Variants in MTERF3 observed in about 807,000 individuals in gnomAD.
MTERF3 encodes mitochondrial transcription termination factor 3.
MTERF3 carries 40 observed loss-of-function variants against 40.5 expected under a neutral mutation model. The observed-to-expected ratio is 0.99, with a 90% CI of 0.77 to 1.29. The LOEUF (loss-of-function observed/expected upper bound fraction) is 1.29, where lower values mean the gene tolerates loss of function less well. Among genes scored for constraint, MTERF3 ranks in the 50% most tolerant of loss-of-function variants. The probability of loss-of-function intolerance (pLI) is 0.00; values close to 1 mark genes in which losing one functional copy is unlikely to be tolerated. For synonymous variants in MTERF3, 158 were observed against 166.6 expected (o/e 0.95, Z 0.40); for missense variants, 452 against 478.2 (o/e 0.95, Z 0.51).
At chr8:96,248,140 A>T (rs1332017854) in intron 4 of MTERF3, among the ~76,000 whole-genome samples, 1 of 152,226 alleles carries the variant, frequency 6.6e-6, no homozygotes, top group African/African-American at 2.4e-5. Flanking sequence ...AAACTGGAAA[A>T]CAACCCCTAT....
chr8:96,258,803 T>G, intron 1 of MTERF3, 103 bp from the exon 2 acceptor site: 1 of 922,496 alleles, frequency 1.1e-6, no homozygotes, highest in Non-Finnish European at 1.6e-6. Context: ...AATTATTTTT[T>G]TCTAATTGAA....
intron 3 of MTERF3, among the ~76,000 whole-genome samples, chr8:96,253,697 C>T (rs1448304605): frequency 6.6e-6 from 1 of 152,034 alleles, no homozygotes; most frequent in Non-Finnish European, 1.5e-5. Flanking sequence ...TGTAAGTATA[C>T]TGTAAATTAT....
intron 7 of MTERF3, among the ~76,000 whole-genome samples, chr8:96,241,420 AAAAAAAC>A (rs555673198): frequency 2.0e-5 from 3 of 151,762 alleles, no homozygotes; most frequent in Admixed American, 6.6e-5. Flanking sequence ...AAAAAAAACA[AAAAAAAC>A]AAAAAACAAA....
In MTERF3 at chr8:96,256,943, G is replaced by A. The variant is rs769497178; in HGVS notation, c.487+19C>T. On this transcript the variant is annotated intron_variant, in intron 3 of 7. Transcript: ENST00000287025. ...TGAAGAGTACATGCAAAAAGTACTT[G>A]TAGTTTAGTCAAACTTACCTAGAAG... 1.3e-6 allele frequency: 2 copies of A among 1,587,078 alleles called. No individual in the cohort carries two copies. The highest frequency in any genetic ancestry group is 1.2e-5 in the South Asian group (1 of 85,960).
chr8:96,249,269 G>C (rs112494099), intron 4 of MTERF3, among the ~76,000 whole-genome samples: 1,792 of 152,268 alleles, frequency 0.012, 18 homozygotes, highest in Middle Eastern at 0.048. Flanking sequence ...TATGTACAAA[G>C]GTGCTATTAA....
chr8:96,254,360 T>G (rs922327256), intron 3 of MTERF3, among the ~76,000 whole-genome samples: 1 of 152,090 alleles, frequency 6.6e-6, no homozygotes. Flanking sequence ...GGACAATAGA[T>G]CTCCAAAACT....
chr8:96,254,744 T>C (rs976364473), intron 3 of MTERF3, among the ~76,000 whole-genome samples: 5 of 152,242 alleles, frequency 3.3e-5, no homozygotes, highest in East Asian at 3.8e-4. Context: ...GTTATTCTTA[T>C]ATATTTAGAT....
In MTERF3 at chr8:96,246,454, C is replaced by T. The variant is rs200630016; in HGVS notation, c.678G>A (p.Arg226=). 10 of 1,603,758 alleles carry T rather than the reference C, an allele frequency of 6.2e-6. No individual in the cohort carries two copies. In the South Asian group the frequency reaches 6.7e-5, roughly 11 times the overall value. The change falls in exon 5 of 8, where the codon AGG becomes AGA. Residue 226 remains arginine (R), a splice_region_variant and synonymous_variant. Transcript: ENST00000287025. ...FSEDLENLKT[R]VAYLHSKNFS... The stretch of plus-strand genomic sequence containing the variant: ...AATTTTTTGAATGCAGATAAGCCAC[C>T]CTAGAGAAACATAAATACATACGCA...
chr8:96,246,465 A>G lies in MTERF3; in HGVS notation c.678-11T>C. On this transcript the variant is annotated splice_polypyrimidine_tract_variant and intron_variant, in intron 4 of 7. Transcript: ENST00000287025. ...TGCAGATAAGCCACCCTAGAGAAAC[A>G]TAAATACATACGCATGTGATAAACA... The G allele has an allele frequency of 6.3e-7, 1 of 1,597,082 alleles. No homozygotes were observed. Among genetic ancestry groups the G allele is most frequent in the Non-Finnish European group, 8.5e-7 (1 of 1,173,906 alleles).
chr8:96,239,553 A>G lies in MTERF3; in HGVS notation c.1192T>C (p.Phe398Leu). 6.2e-7 allele frequency: 1 copy of G among 1,612,440 alleles called. No individual in the cohort carries two copies. The highest frequency in any genetic ancestry group is 1.7e-5 in the Admixed American group (1 of 59,446). The part of the protein sequence containing the change: ...DKLVSIPDEI[F>L]CEEIAKASVQ... The stretch of plus-strand genomic sequence containing the variant: ...GATGCTTTGGCAATCTCTTCACAAA[A>G]TATTTCATCAGGAATAGATACTAGT... The change falls in exon 8 of 8, where the codon TTT becomes CTT. Residue 398 changes from phenylalanine (F) to leucine (L), a missense_variant. By Grantham distance (22) the Phe-to-Leu change is conservative. Coordinates refer to ENST00000287025, the MANE Select transcript of MTERF3 (RefSeq NM_015942.5).
At chr8:96,249,516 A>G (rs1810084648) in intron 4 of MTERF3, among the ~76,000 whole-genome samples, 1 of 152,206 alleles carries the variant, frequency 6.6e-6, no homozygotes, top group Non-Finnish European at 1.5e-5. Flanking sequence ...TTTGATGTCT[A>G]AAGTTTAGGC....
intron 1 of MTERF3, among the ~76,000 whole-genome samples, 177 bp from the exon 2 acceptor site, chr8:96,258,877 C>A (rs1810331339): frequency 6.6e-6 from 1 of 152,044 alleles, no homozygotes; most frequent in South Asian, 2.1e-4. Context: ...GAAAAGCCAA[C>A]AACAAGGCAA....
Position 96,239,572 on chromosome 8 carries a change from T to A in MTERF3, c.1173A>T (p.Val391=). Residue 391 remains valine (V), a synonymous_variant, in exon 8 of 8, where the codon GTA becomes GTT. Transcript: ENST00000287025. ...CACAAAATATTTCATCAGGAATAGATACTAGTTTGTCCAAAGAGATGTAGT... is the reference window on the plus strand; with the variant it reads ...CACAAAATATTTCATCAGGAATAGAAACTAGTTTGTCCAAAGAGATGTAGT... The part of the protein sequence containing the change: ...KPNYISLDKL[V]SIPDEIFCEE... The A allele has an allele frequency of 6.2e-7, 1 of 1,613,330 alleles. No homozygotes were observed. Among genetic ancestry groups the A allele is most frequent in the South Asian group, 1.1e-5 (1 of 91,008 alleles).
chr8:96,249,728 T>C (rs146993765), intron 4 of MTERF3, among the ~76,000 whole-genome samples: 92 of 152,248 alleles, frequency 6.0e-4, no homozygotes, highest in South Asian at 2.3e-3. Context: ...TAGGAGACCA[T>C]TGCAGTAATC....
chr8:96,245,162 G>C (rs1305490073), intron 6 of MTERF3, among the ~76,000 whole-genome samples: 2 of 149,816 alleles, frequency 1.3e-5, no homozygotes, highest in Non-Finnish European at 3.0e-5. Context: ...AAGCTCCTTG[G>C]GAGGAGAAGC....
Position 96,253,118 on chromosome 8 carries a change from G to A in MTERF3, c.488-2023C>T, listed in dbSNP as rs758629796. ...CCATTTTATTCAGTTATGGTTACAC[G>A]TATTTAGTACATCAATCAGGGTCTA... On this transcript the variant is annotated intron_variant, in intron 3 of 7. Coordinates refer to ENST00000287025, the MANE Select transcript of MTERF3 (RefSeq NM_015942.5). 3.3e-5 allele frequency among the ~76,000 whole-genome samples: 5 copies of A among 152,254 alleles called. No homozygotes were observed. In the South Asian group the frequency reaches 1.0e-3, roughly 32 times the overall value.
chr8:96,249,901 T>C (rs1810092307), intron 4 of MTERF3, among the ~76,000 whole-genome samples: 1 of 152,234 alleles, frequency 6.6e-6, no homozygotes, highest in African/African-American at 2.4e-5. Flanking sequence ...CCAGTATTTC[T>C]GAGTTGGGCA....
Position 96,258,672 on chromosome 8 carries a change from G to C in MTERF3, c.19C>G (p.Gln7Glu). MALSAQ[Q>E]IPRWFNSVKL... ...ACTGAGTTAAACCATCTGGGTATCT[G>C]TTGGGCTGACAAAGCCATTTTTCTT... The change falls in exon 2 of 8, where the codon CAG becomes GAG. Residue 7 changes from glutamine to glutamate, a missense_variant. Gln to Glu is a conservative substitution (Grantham distance 29, BLOSUM62 2). Coordinates refer to ENST00000287025, the MANE Select transcript of MTERF3 (RefSeq NM_015942.5). 6.2e-7 allele frequency: 1 copy of C among 1,602,022 alleles called. No homozygotes were observed. Among genetic ancestry groups the C allele is most frequent in the Non-Finnish European group, 8.5e-7 (1 of 1,171,584 alleles).
At chr8:96,240,836 T>C (rs1024246948) in intron 7 of MTERF3, among the ~76,000 whole-genome samples, 1 of 152,024 alleles carries the variant, frequency 6.6e-6, no homozygotes, top group African/African-American at 2.4e-5. Context: ...TATATTCAAG[T>C]GGAAACAGTA....
Sources: gnomAD v4.1 joint callset for allele counts (sites outside exome capture counted in the v4.1 genomes callset) on GRCh38, gnomAD v4.1.1 for gene constraint, MANE v1.5 for transcripts, NCBI Gene and HGNC (gene_info 2026-07-23, HGNC 2026-07-21) for gene names.